DSG2: variants seen among roughly 807,000 people sequenced by gnomAD.
The protein encoded by DSG2 is desmoglein 2.
In DSG2, 45 loss-of-function variants were observed where a neutral mutation model predicts 75.6. The ratio of observed to expected loss-of-function variants is 0.60; its 90% CI spans 0.47 to 0.76. The LOEUF (loss-of-function observed/expected upper bound fraction) is 0.76. Among genes scored for constraint, DSG2 ranks in the 30% least tolerant of loss-of-function variants. The pLI, the probability that DSG2 is intolerant of heterozygous loss-of-function variation, is 0.00. For synonymous variants in DSG2, 429 were observed against 483.9 expected (o/e 0.89, Z 1.49); for missense variants, 1,267 against 1,357.4 (o/e 0.93, Z 1.05).
chr18:31,512,411 T>C lies in DSG2; in HGVS notation c.46-5828T>C, dbSNP rs533461355. On this transcript the variant is annotated intron_variant, in intron 1 of 14. Transcript: ENST00000261590. ...CATCTTTACTGCAACTCCCAGGGTTTAAGCTAGTGTTATGTATTGCACGTG... is the reference window on the plus strand; with the variant it reads ...CATCTTTACTGCAACTCCCAGGGTTCAAGCTAGTGTTATGTATTGCACGTG... 3.3e-5 allele frequency among the ~76,000 whole-genome samples: 5 copies of C among 152,384 alleles called. No individual in the cohort carries two copies. In the East Asian group the frequency reaches 5.8e-4, roughly 18 times the overall value.
chr18:31,520,732 T>C, intron 3 of DSG2, 71 bp from the exon 4 acceptor site: 1 of 1,502,890 alleles, frequency 6.7e-7, no homozygotes, highest in Non-Finnish European at 9.2e-7. Context: ...CTTCTTAGGC[T>C]TTTGGCTAAG....
chr18:31,519,018 A>C (rs2073111139), intron 2 of DSG2, among the ~76,000 whole-genome samples: 1 of 152,236 alleles, frequency 6.6e-6, no homozygotes, highest in Non-Finnish European at 1.5e-5. Context: ...ATTAACTGGC[A>C]GTTTCCCTGG....
At chr18:31,502,899 T>C (rs2073021121) in intron 1 of DSG2, among the ~76,000 whole-genome samples, 1 of 152,244 alleles carries the variant, frequency 6.6e-6, no homozygotes, top group Non-Finnish European at 1.5e-5. Flanking sequence ...TCTTTCACTC[T>C]GACACAGATT....
At position 31,535,321 on chromosome 18, in the gene DSG2, A is replaced by C; in HGVS notation, c.1332A>C (p.Thr444=). The change falls in exon 10 of 15, where the codon ACA becomes ACC. Residue 444 remains threonine (T), a synonymous_variant. Coordinates refer to ENST00000261590, the MANE Select transcript of DSG2 (RefSeq NM_001943.5). ...RDNWISVDSV[T]SEIKLAKLPD... ...ATTGGATCTCTGTGGATTCTGTCAC[A>C]TCTGAAATTAAACTTGCAAAACTTC... 6.2e-7 allele frequency: 1 copy of C among 1,601,050 alleles called. No individual in the cohort carries two copies. Among genetic ancestry groups the C allele is most frequent in the Non-Finnish European group, 8.6e-7 (1 of 1,168,874 alleles).
chr18:31,500,447 A>G (rs2073007866), intron 1 of DSG2, among the ~76,000 whole-genome samples: 1 of 152,192 alleles, frequency 6.6e-6, no homozygotes, highest in Non-Finnish European at 1.5e-5. Flanking sequence ...AACAACATGG[A>G]TGCTTGTACC....
At chr18:31,500,018 G>C (rs2073005606) in intron 1 of DSG2, among the ~76,000 whole-genome samples, 1 of 136,086 alleles carries the variant, frequency 7.3e-6, no homozygotes, top group Non-Finnish European at 1.5e-5. Context: ...CAGTGTGTTT[G>C]CAGTTGCAGT....
chr18:31,539,552 C>T (rs1199196008), intron 12 of DSG2, among the ~76,000 whole-genome samples: 1 of 152,196 alleles, frequency 6.6e-6, no homozygotes, highest in Non-Finnish European at 1.5e-5. Context: ...ACCAGTCCTG[C>T]CTGCCCTACC....
intron 1 of DSG2, among the ~76,000 whole-genome samples, chr18:31,513,794 TCAGTACCTTAGC>T (rs1191799315): frequency 1.3e-5 from 2 of 152,218 alleles, no homozygotes; most frequent in African/African-American, 4.8e-5. Context: ...GAAACTGCAA[TCAGTACCTTAGC>T]CAGTGGTGTC....
chr18:31,517,422 C>T (rs1176505874), intron 1 of DSG2, among the ~76,000 whole-genome samples: 2 of 152,102 alleles, frequency 1.3e-5, no homozygotes, highest in Non-Finnish European at 2.9e-5. Flanking sequence ...CATATCAAAG[C>T]AGCTAGAAGA....
chr18:31,534,746 G>C (rs1470445486), intron 9 of DSG2, among the ~76,000 whole-genome samples: 1 of 152,110 alleles, frequency 6.6e-6, no homozygotes, highest in Non-Finnish European at 1.5e-5. Flanking sequence ...CTGACCTTAA[G>C]TGATCCACCC....
At chr18:31,510,694 A>G (rs1286226049) in intron 1 of DSG2, among the ~76,000 whole-genome samples, 1 of 152,240 alleles carries the variant, frequency 6.6e-6, no homozygotes, top group Non-Finnish European at 1.5e-5. Flanking sequence ...AAAGCAGCAA[A>G]ACTAGTTAAT....
In DSG2 at chr18:31,518,714, T is replaced by G. The variant is rs114367280; in HGVS notation, c.81+440T>G. Among the ~76,000 whole-genome samples, 834 of 145,532 alleles carry G rather than the reference T, an allele frequency of 5.7e-3. 5 individuals carry two copies. The highest frequency in any genetic ancestry group is 0.02 in the African/African-American group (802 of 40,932). ...AATTTCAATTTTTTGTCATAGAAAA[T>G]TTTGTTCAAGTAAAAAAAAAAATCA... is the stretch of plus-strand genomic sequence containing the variant. On this transcript the variant is annotated intron_variant, in intron 2 of 14. Transcript: ENST00000261590.
In DSG2 at chr18:31,548,211, C is replaced by T. The variant is rs1346074988; in HGVS notation, c.*1468C>T. ...TCTACAAGTTAATTTTTTTACAAAT[C>T]ATTTGGGTTATCTCCTAAATAGGTT... On this transcript the variant is annotated 3_prime_UTR_variant, in exon 15 of 15. Coordinates refer to ENST00000261590, the MANE Select transcript of DSG2 (RefSeq NM_001943.5). 2 of 152,110 alleles carry T rather than the reference C, an allele frequency of 1.3e-5. No individual in the cohort carries two copies. Among genetic ancestry groups the T allele is most frequent in the Non-Finnish European group, 2.9e-5 (2 of 68,010 alleles). The allele number at this position is 152,110 out of a possible 1,614,324, so 9.4% of individuals were successfully genotyped here.
At position 31,542,815 on chromosome 18, in the gene DSG2, C is replaced by T; in HGVS notation, c.2297C>T (p.Ala766Val). ...DMAGAQAAAV[A>V]LNEEFLRNYF... ...GCCGGAGCTCAGGCAGCTGCTGTTG[C>T]ACTGAACGAAGAATTCTTAAGAAAT... The change falls in exon 14 of 15, where the codon GCA becomes GTA. Residue 766 changes from alanine (A) to valine (V), a missense_variant. Coordinates refer to ENST00000261590, the MANE Select transcript of DSG2 (RefSeq NM_001943.5). 1 of 1,556,266 alleles carries T rather than the reference C, an allele frequency of 6.4e-7. No homozygotes were observed. Among genetic ancestry groups the T allele is most frequent in the Non-Finnish European group, 8.7e-7 (1 of 1,155,596 alleles).
At chr18:31,504,521 C>G (rs1477265526) in intron 1 of DSG2, among the ~76,000 whole-genome samples, 3 of 151,890 alleles carry the variant, frequency 2.0e-5, no homozygotes, top group Admixed American at 1.3e-4. Flanking sequence ...ACCTGCAGTG[C>G]TTCTCACCCC....
chr18:31,520,999 G>A, intron 4 of DSG2, 35 bp downstream of exon 4: 1 of 1,610,068 alleles, frequency 6.2e-7, no homozygotes, highest in Non-Finnish European at 8.5e-7. Flanking sequence ...TTAGTTTGTA[G>A]TTTTTCTGTC....
At chr18:31,539,250 G>A (rs2073251274) in intron 12 of DSG2, among the ~76,000 whole-genome samples, 1 of 152,110 alleles carries the variant, frequency 6.6e-6, no homozygotes, top group Non-Finnish European at 1.5e-5. Context: ...CCATTTTGAT[G>A]AGCTCTGTGA....
chr18:31,513,837 CTAGT>C (rs1162732356), intron 1 of DSG2, among the ~76,000 whole-genome samples: 1 of 152,190 alleles, frequency 6.6e-6, no homozygotes, highest in Non-Finnish European at 1.5e-5. Context: ...TGCACACCAG[CTAGT>C]ATGGTGTGAC....
intron 12 of DSG2, 71 bp from the exon 13 acceptor site, chr18:31,541,122 A>C: frequency 6.2e-7 from 1 of 1,606,382 alleles, no homozygotes; most frequent in African/African-American, 1.3e-5. Flanking sequence ...GCAAATTCCA[A>C]AATTGTGCAA....
Sources: allele counts gnomAD v4.1 joint callset (sites outside exome capture counted in the v4.1 genomes callset), GRCh38; gene constraint gnomAD v4.1.1; transcripts MANE v1.5; gene names NCBI Gene and HGNC (gene_info 2026-07-23, HGNC 2026-07-21).